The following PRR5 variants were observed in gnomAD, a reference collection of about 807,000 sequenced individuals.
The protein encoded by PRR5 is proline rich 5.
A neutral mutation model predicts 30.6 loss-of-function variants in PRR5; 25 were observed. That is an observed-to-expected ratio of 0.82 (90% confidence interval 0.60 to 1.14). The LOEUF (loss-of-function observed/expected upper bound fraction) is 1.14, where lower values mean the gene tolerates loss of function less well. PRR5 is among the 50% of genes most tolerant of loss of function. The pLI is 0.00. For missense variants in PRR5, 600 were observed against 547.1 expected (o/e 1.10, Z -0.96); for synonymous variants, 286 against 247.1 (o/e 1.16, Z -1.48).
At chr22:44,692,530 T>C in intron 1 of PRR5, among the ~76,000 whole-genome samples, 1 of 110,208 alleles carries the variant, frequency 9.1e-6, no homozygotes, top group Non-Finnish European at 1.9e-5. Flanking sequence ...TGGGGGCTCC[T>C]CCTCCCGGGG....
upstream of PRR5, among the ~76,000 whole-genome samples, chr22:44,673,707 G>A (rs1053099420): frequency 3.9e-5 from 6 of 152,104 alleles, no homozygotes; most frequent in African/African-American, 4.8e-5. Flanking sequence ...GGTAGGTGGC[G>A]GTGATGGTCC....
Position 44,737,499 on chromosome 22 carries a change from C to T in PRR5, c.*252C>T, listed in dbSNP as rs1020231074. On this transcript the variant is annotated 3_prime_UTR_variant, in exon 8 of 8. Transcript: ENST00000336985. ...GGCCGGGCCAGAGACGGGGGTCGGC[C>T]GCTCGCTCCCACGCTCCTCCTGCCC... The T allele has an allele frequency of 3.5e-5, 22 of 636,254 alleles. No homozygotes were observed. Among genetic ancestry groups the T allele is most frequent in the Admixed American group, 6.8e-5 (2 of 29,440 alleles). 39.4% of individuals were successfully genotyped at this position (636,254 alleles called of 1,614,324 possible).
rs1405671776 is a variant in PRR5 at position 44,702,323 on chromosome 22, C to G, written c.-152C>G. On this transcript the variant is annotated 5_prime_UTR_variant, in exon 1 of 8. Transcript: ENST00000336985. ...CGGGACCCGAGACGGAGGCGCGGGG[C>G]CGGGGCGGGACCCCGCAGGACCGCT... The G allele has an allele frequency of 8.7e-7, 1 of 1,148,924 alleles. No homozygotes were observed. Among genetic ancestry groups the G allele is most frequent in the East Asian group, 3.8e-5 (1 of 26,288 alleles). 71.2% of individuals were successfully genotyped at this position (1,148,924 alleles called of 1,614,324 possible). A position where few individuals can be genotyped will look rare whatever the true frequency, so the allele number is the denominator to read the frequency against.
intron 1 of PRR5, among the ~76,000 whole-genome samples, chr22:44,706,566 G>A (rs1404762089): frequency 6.6e-6 from 1 of 152,166 alleles, no homozygotes; most frequent in African/African-American, 2.4e-5. Flanking sequence ...GTCTTGCTCT[G>A]TCACCCGGGC....
chr22:44,702,856 C>G (rs1185513354), intron 1 of PRR5, among the ~76,000 whole-genome samples: 1 of 152,214 alleles, frequency 6.6e-6, no homozygotes, highest in Non-Finnish European at 1.5e-5. Context: ...CAGAAGCGCC[C>G]GGCGGGTGGG....
intron 1 of PRR5, among the ~76,000 whole-genome samples, chr22:44,712,336 G>A (rs1029561330): frequency 3.9e-5 from 6 of 152,164 alleles, no homozygotes; most frequent in East Asian, 3.9e-4. Flanking sequence ...GCCTGTGGCC[G>A]GGCCAGGCCA....
chr22:44,729,479 C>T (rs1921512994), intron 4 of PRR5: 2 of 985,634 alleles, frequency 2.0e-6, no homozygotes, highest in Non-Finnish European at 2.4e-6. Flanking sequence ...CAAGGTACGG[C>T]GCGCACACAC....
intron 1 of PRR5, among the ~76,000 whole-genome samples, chr22:44,692,564 A>C (rs1420197661): frequency 9.2e-6 from 1 of 109,064 alleles, no homozygotes; most frequent in African/African-American, 3.5e-5. Context: ...GCACTCCTCC[A>C]CCCAGGGCTC....
chr22:44,676,612 G>A (rs143559621), upstream of PRR5, among the ~76,000 whole-genome samples: 5 of 152,056 alleles, frequency 3.3e-5, no homozygotes, highest in Non-Finnish European at 7.4e-5. Flanking sequence ...TGTTCTAGGC[G>A]GGGTGAAGAG....
At chr22:44,715,122 A>G (rs957232287) in intron 2 of PRR5, among the ~76,000 whole-genome samples, 3 of 152,236 alleles carry the variant, frequency 2.0e-5, no homozygotes, top group African/African-American at 4.8e-5. Flanking sequence ...TTTCCTGTGA[A>G]TAGCCGGGAA....
intron 4 of PRR5, chr22:44,729,802 C>T (rs1297759604): frequency 9.1e-6 from 9 of 985,368 alleles, no homozygotes; most frequent in African/African-American, 1.7e-5. Flanking sequence ...ATTTCCGCCC[C>T]GTGGGCTGGA....
At chr22:44,712,417 G>A (rs1928389845) in intron 1 of PRR5, among the ~76,000 whole-genome samples, 1 of 152,216 alleles carries the variant, frequency 6.6e-6, no homozygotes, top group South Asian at 2.1e-4. Context: ...GGGATATGCA[G>A]CCTGTGACCC....
In PRR5 at chr22:44,715,518, G is replaced by A. The variant is rs75115283; in HGVS notation, c.215+847G>A. 9.5e-3 allele frequency among the ~76,000 whole-genome samples: 1,440 copies of A among 152,252 alleles called. 11 individuals are homozygous for A. Among genetic ancestry groups the A allele is most frequent in the Non-Finnish European group, 0.012 (805 of 68,004 alleles). ...GGTAAACTGAGGCCCAATACATGCC[G>A]CTTGTTCAGGGTGTCCTGCTTTTCT... is the stretch of plus-strand genomic sequence containing the variant. On this transcript the variant is annotated intron_variant, in intron 2 of 7. Transcript: ENST00000336985.
At chr22:44,698,474 A>G (rs1399759039), upstream of PRR5, among the ~76,000 whole-genome samples, 1 of 152,154 alleles carries the variant, frequency 6.6e-6, no homozygotes, top group African/African-American at 2.4e-5. Flanking sequence ...CATTTCCTTA[A>G]CAGAGGGACA....
At chr22:44,718,560 T>C (rs1331154543) in intron 2 of PRR5, among the ~76,000 whole-genome samples, 1 of 152,190 alleles carries the variant, frequency 6.6e-6, no homozygotes, top group Non-Finnish European at 1.5e-5. Flanking sequence ...TCTGTGGTTA[T>C]CTCTTTGAGG....
chr22:44,704,184 C>T (rs560673783), intron 1 of PRR5, among the ~76,000 whole-genome samples: 3 of 152,306 alleles, frequency 2.0e-5, no homozygotes, highest in Admixed American at 6.5e-5. Context: ...CAGCTCAACC[C>T]CAGACTCACG....
chr22:44,721,287 G>T (rs961254892), intron 2 of PRR5, among the ~76,000 whole-genome samples: 7 of 152,196 alleles, frequency 4.6e-5, no homozygotes, highest in Non-Finnish European at 8.8e-5. Context: ...ATTTTCTGGG[G>T]TTGAAATACC....
rs1444818357 is a variant in PRR5 at position 44,731,814 on chromosome 22, C to T, written c.407C>T (p.Pro136Leu). The T allele has an allele frequency of 1.8e-5, 29 of 1,612,918 alleles. No homozygotes were observed. The highest frequency in any genetic ancestry group is 1.7e-4 in the Middle Eastern group (1 of 6,012). The change falls in exon 5 of 8, where the codon CCG (proline) becomes CTG (leucine). Residue 136 changes from proline (P) to leucine (L), a missense_variant. Pro to Leu is a moderately conservative substitution (Grantham distance 98, BLOSUM62 -3). Transcript: ENST00000336985. ...VLPMLQAIFY[P>L]VQGKEPSVRQ... is the part of the protein sequence containing the mutation. ...CCCATGCTGCAGGCCATCTTCTACC[C>T]GGTGCAGGTGGGCAGCCCAGCCCTG...
In PRR5 at chr22:44,691,409, C is replaced by T. The variant is rs1489604121; in HGVS notation, c.-10-11083C>T. On this transcript the variant is annotated intron_variant, in intron 1 of 8. Transcript: ENST00000006251. The surrounding 1 kb of genome is among the most constrained non-coding windows in gnomAD (Gnocchi z 4.4). ...TGGCCCGCGCTGGGCACAGCATGTA[C>T]TCAGCGGTGGGGACCCTGCCCTAGA... 6.6e-6 allele frequency among the ~76,000 whole-genome samples: 1 copy of T among 152,166 alleles called. No individual in the cohort carries two copies. Among genetic ancestry groups the T allele is most frequent in the Non-Finnish European group, 1.5e-5 (1 of 68,030 alleles).
Sources: gnomAD v4.1 joint callset for allele counts (sites outside exome capture counted in the v4.1 genomes callset) on GRCh38, gnomAD v4.1.1 for gene constraint, Gnocchi (gnomAD v3.1) non-coding constraint, MANE v1.5 for transcripts, NCBI Gene and HGNC (gene_info 2026-07-23, HGNC 2026-07-21) for gene names.